FAM228B: variants seen among roughly 807,000 people sequenced by gnomAD.
The protein encoded by FAM228B is protein FAM228B.
Under a neutral mutation model 42.6 loss-of-function variants are expected in FAM228B, and 38 were observed. The ratio of observed to expected loss-of-function variants is 0.89; its 90% CI spans 0.69 to 1.17. FAM228B has a LOEUF of 1.17. Ranked by LOEUF, FAM228B falls within the 50% of genes most tolerant of loss-of-function variation. The probability of loss-of-function intolerance (pLI) is 0.00; values close to 1 mark genes in which losing one functional copy is unlikely to be tolerated. For missense variants in FAM228B, 344 were observed against 367.3 expected, an observed-to-expected ratio of 0.94 and a Z score of 0.52; for synonymous variants, 109 against 122.3, an observed-to-expected ratio of 0.89 and a Z score of 0.72.
chr2:24,106,759 C>T (rs1368185612), intron 3 of FAM228B, among the ~76,000 whole-genome samples: 1 of 151,878 alleles, frequency 6.6e-6, no homozygotes, highest in Admixed American at 6.6e-5. Context: ...CCAGATCTGC[C>T]TTATGAGCAG....
At chr2:24,137,422 G>T (rs531514291) in intron 3 of FAM228B, among the ~76,000 whole-genome samples, 1 of 152,110 alleles carries the variant, frequency 6.6e-6, no homozygotes, top group Admixed American at 6.5e-5. Flanking sequence ...TTTATTTATA[G>T]TATGCCATAC....
At chr2:24,079,474 G>A (rs758361903) in intron 1 of FAM228B, 3 of 1,614,128 alleles carry the variant, frequency 1.9e-6, no homozygotes, top group Non-Finnish European at 2.5e-6. Flanking sequence ...GCAAACTGGT[G>A]ATCAGACTTC....
intron 4 of FAM228B, among the ~76,000 whole-genome samples, chr2:24,138,894 C>T (rs911025010): frequency 2.7e-5 from 4 of 149,056 alleles, no homozygotes; most frequent in African/African-American, 4.9e-5. Context: ...TGTAGTGAGC[C>T]GAGATCACAC....
rs1238640975 is a variant in FAM228B at position 24,123,525 on chromosome 2, C to T, written c.-41C>T. 5 of 152,258 alleles carry T rather than the reference C, an allele frequency of 3.3e-5. No individual in the cohort carries two copies. Among genetic ancestry groups the T allele is most frequent in the African/African-American group, 1.2e-4 (5 of 41,566 alleles). 9.4% of individuals were successfully genotyped at this position (152,258 alleles called of 1,614,324 possible). A position where few individuals can be genotyped will look rare whatever the true frequency, so the allele number is the denominator to read the frequency against. Reference sequence around the variant, plus strand: ...CGGAGTGCTCGCGCGGCGCTGCGTCCGGGAGACGGTGGGCGCCAACATTCG... The same window carrying T: ...CGGAGTGCTCGCGCGGCGCTGCGTCTGGGAGACGGTGGGCGCCAACATTCG... On this transcript the variant is annotated 5_prime_UTR_variant, in exon 1 of 11. Coordinates refer to ENST00000615575, the MANE Select transcript of FAM228B (RefSeq NM_001145710.2).
chr2:24,135,029 G>C (rs941721160), intron 2 of FAM228B, 90 bp from the exon 3 acceptor site: 5 of 825,160 alleles, frequency 6.1e-6, no homozygotes, highest in Non-Finnish European at 7.7e-6. Context: ...ACTTTCCAGG[G>C]ATATGTCTGT....
At chr2:24,133,085 C>T (rs957514023) in intron 2 of FAM228B, among the ~76,000 whole-genome samples, 9 of 152,112 alleles carry the variant, frequency 5.9e-5, no homozygotes, top group Admixed American at 6.6e-5. Flanking sequence ...CCAGTTAGGC[C>T]GCATGTTTCT....
Position 24,135,184 on chromosome 2 carries a change from T to G in FAM228B, c.165T>G (p.Ile55Met), listed in dbSNP as rs1205195993. The G allele has an allele frequency of 1.4e-6, 2 of 1,480,496 alleles. No individual in the cohort carries two copies. Among genetic ancestry groups the G allele is most frequent in the African/African-American group, 1.4e-5 (1 of 70,978 alleles). The allele number at this position is 1,480,496 out of a possible 1,614,324, so 91.7% of individuals were successfully genotyped here. A position where few individuals can be genotyped will look rare whatever the true frequency, so the allele number is the denominator to read the frequency against. Residue 55 changes from isoleucine (I) to methionine (M), a missense_variant, in exon 3 of 11, where the codon ATT becomes ATG. Physicochemically the swap from Ile to Met is conservative, Grantham distance 10. Coordinates refer to ENST00000615575, the MANE Select transcript of FAM228B (RefSeq NM_001145710.2). ...QSILYKENSV[I>M]KELDKYLQHH... is the part of the protein sequence containing the mutation. ...TATTATACAAAGAAAATTCTGTAATTAAGGTAAGAATTGGCTACAAAATGC... is the reference window on the plus strand; with the variant it reads ...TATTATACAAAGAAAATTCTGTAATGAAGGTAAGAATTGGCTACAAAATGC...
intron 8 of FAM228B, 39 bp from the exon 9 acceptor site, chr2:24,164,159 A>T: frequency 4.0e-6 from 6 of 1,518,892 alleles, no homozygotes; most frequent in Non-Finnish European, 5.3e-6. Context: ...TTGAGTTGAG[A>T]GTTAAGAGAA....
intron 9 of FAM228B, among the ~76,000 whole-genome samples, chr2:24,166,806 G>A (rs13006503): frequency 0.83 from 126,030 of 152,008 alleles, 54,109 homozygotes; most frequent in Non-Finnish European, 0.93. Flanking sequence ...GCAGGCTGAG[G>A]AACCCAGGGA....
At chr2:24,150,392 GT>G (rs1162836923) in intron 7 of FAM228B, among the ~76,000 whole-genome samples, 6 of 151,888 alleles carry the variant, frequency 4.0e-5, no homozygotes, top group Admixed American at 2.0e-4. Context: ...TAGGGTAAAA[GT>G]TTTTTTCTGT....
intron 7 of FAM228B, 38 bp downstream of exon 7, chr2:24,147,124 G>T: frequency 7.2e-7 from 1 of 1,385,652 alleles, no homozygotes; most frequent in South Asian, 1.5e-5. Context: ...GAACCTTTTG[G>T]ACTTTGAAAA....
rs33946528 is a variant in FAM228B at position 24,083,018 on chromosome 2, G to A, written c.-210+2063G>A. 2.1e-3 allele frequency: 3,332 copies of A among 1,614,122 alleles called. 43 individuals carry two copies. In the African/African-American group the frequency reaches 0.026, roughly 12 times the overall value. On this transcript the variant is annotated intron_variant, in intron 2 of 10. Transcript: ENST00000613899. ...TGACGTACTGAGCCTGGCCCCCACC[G>A]GGGAGCAGAGCCATGGCTGTGTCCC...
chr2:24,086,175 C>T (rs2150989312), intron 2 of FAM228B, among the ~76,000 whole-genome samples: 1 of 139,912 alleles, frequency 7.1e-6, no homozygotes, highest in East Asian at 2.1e-4. Context: ...GGGGAGCTTG[C>T]AGTGAGCCGA....
intron 4 of FAM228B, among the ~76,000 whole-genome samples, 158 bp from the exon 5 acceptor site, chr2:24,139,212 A>C (rs1419184917): frequency 6.6e-6 from 1 of 152,236 alleles, no homozygotes; most frequent in African/African-American, 2.4e-5. Flanking sequence ...TGAATAAATT[A>C]AATTTAAAAT....
chr2:24,100,799 A>G, intron 3 of FAM228B, among the ~76,000 whole-genome samples: 1 of 152,226 alleles, frequency 6.6e-6, no homozygotes, highest in East Asian at 1.9e-4. Flanking sequence ...TGCTACTATA[A>G]AGACATATGC....
At chr2:24,121,018 C>T, upstream of FAM228B, 1 of 1,060,878 alleles carries the variant, frequency 9.4e-7, no homozygotes, top group Non-Finnish European at 1.3e-6. Flanking sequence ...CATATGTCTT[C>T]CTGGCACTAG....
intron 1 of FAM228B, 39 bp from the exon 2 acceptor site, chr2:24,124,291 G>T: frequency 2.0e-6 from 2 of 1,018,684 alleles, no homozygotes; most frequent in South Asian, 3.1e-5. Flanking sequence ...AAAATCAGAT[G>T]ACTGTGAAAT....
chr2:24,081,146 C>T (rs2150984639), intron 2 of FAM228B: 1 of 181,782 alleles, frequency 5.5e-6, no homozygotes, highest in Non-Finnish European at 7.7e-6. Context: ...CAATCTTTTG[C>T]TTTTCCTTTT....
chr2:24,167,345 G>C (rs1250959601), intron 9 of FAM228B, among the ~76,000 whole-genome samples: 2 of 152,164 alleles, frequency 1.3e-5, no homozygotes, highest in Non-Finnish European at 2.9e-5. Flanking sequence ...GGGAAAGCAG[G>C]TTTGCAGGGA....
Sources: allele counts gnomAD v4.1 joint callset (sites outside exome capture counted in the v4.1 genomes callset), GRCh38; gene constraint gnomAD v4.1.1; transcripts MANE v1.5; gene names NCBI Gene and HGNC (gene_info 2026-07-23, HGNC 2026-07-21).